DOCK7: variants seen among roughly 807,000 people sequenced by gnomAD.
DOCK7 encodes the protein dedicator of cytokinesis protein 7.
Under a neutral mutation model 271.0 loss-of-function variants are expected in DOCK7, and 138 were observed. The observed-to-expected ratio is 0.51, with a 90% CI of 0.44 to 0.59. The LOEUF (loss-of-function observed/expected upper bound fraction) is 0.59, where lower values mean the gene tolerates loss of function less well. Ranked by LOEUF, DOCK7 falls within the 20% of genes least tolerant of loss-of-function variation. The pLI, the probability that DOCK7 is intolerant of heterozygous loss-of-function variation, is 0.00. For missense variants in DOCK7, 2,066 were observed against 2,592.4 expected, an observed-to-expected ratio of 0.80 and a Z score of 4.41; for synonymous variants, 823 against 876.1, an observed-to-expected ratio of 0.94 and a Z score of 1.07.
At chr1:62,640,952 TTA>T (rs1557845536) in intron 7 of DOCK7, among the ~76,000 whole-genome samples, 29 of 152,306 alleles carry the variant, frequency 1.9e-4, no homozygotes, top group Non-Finnish European at 3.5e-4. Context: ...TAAAGTAACC[TTA>T]TAGAAAGGCA....
intron 12 of DOCK7, among the ~76,000 whole-genome samples, chr1:62,620,849 A>G (rs1653113970): frequency 6.9e-6 from 1 of 144,714 alleles, no homozygotes; most frequent in Non-Finnish European, 1.5e-5. Context: ...GCACCACTGC[A>G]CTCCAGCCTG....
chr1:62,608,851 A>G (rs970066502), intron 14 of DOCK7: 2 of 133,476 alleles, frequency 1.5e-5, no homozygotes, highest in Non-Finnish European at 3.3e-5. Flanking sequence ...ATGGAAGTCA[A>G]CTAACTCATT....
chr1:62,641,230 G>A (rs1349785209), intron 7 of DOCK7: 5 of 399,460 alleles, frequency 1.3e-5, no homozygotes, highest in African/African-American at 1.0e-4. Flanking sequence ...TCCAGTAGTG[G>A]ATCTTAGCTT....
chr1:62,613,122 T>C (rs1353360372), intron 14 of DOCK7, among the ~76,000 whole-genome samples: 1 of 152,188 alleles, frequency 6.6e-6, no homozygotes, highest in Non-Finnish European at 1.5e-5. Context: ...ATTTCAAATA[T>C]CCAATAAAAG....
chr1:62,651,572 A>G (rs1657386580), intron 4 of DOCK7, among the ~76,000 whole-genome samples: 3 of 151,004 alleles, frequency 2.0e-5, no homozygotes, highest in African/African-American at 7.3e-5. Flanking sequence ...TTCACTTTTC[A>G]GCCATATCCA....
chr1:62,617,440 A>G (rs1288913071), intron 14 of DOCK7, among the ~76,000 whole-genome samples: 4 of 152,028 alleles, frequency 2.6e-5, no homozygotes, highest in Non-Finnish European at 5.9e-5. Flanking sequence ...TGACTGAGAC[A>G]GGAGTAGAAA....
chr1:62,530,874 G>A (rs1645153740), intron 29 of DOCK7: 1 of 152,638 alleles, frequency 6.6e-6, no homozygotes. Flanking sequence ...GGTCAAATAA[G>A]ACACCTCCCC....
intron 48 of DOCK7, 134 bp downstream of exon 48, chr1:62,473,848 G>T: frequency 1.7e-6 from 1 of 577,628 alleles, no homozygotes; most frequent in Non-Finnish European, 3.0e-6. Flanking sequence ...GCCTCCCAAA[G>T]TGCTGAGATT....
chr1:62,686,157 C>CATTTTTTTTTTTTTTTTT lies in DOCK7; in HGVS notation c.38+2069_38+2070insAAAAAAAAAAAAAAAAAT. Among the ~76,000 whole-genome samples, 2 of 4,204 alleles carry CATTTTTTTTTTTTTTTTT rather than the reference C, an allele frequency of 4.8e-4. 1 individual carries two copies. The highest frequency in any genetic ancestry group is 5.0e-4 in the African/African-American group (2 of 3,980). 2.8% of individuals were successfully genotyped at this position (4,204 alleles called of 152,430 possible). Reference sequence around the variant, plus strand: ...ACTAGGAATACATGTCAAGTAATAACTTTTTTTTTTTTTTTTTTTTTTTTT... The same window carrying CATTTTTTTTTTTTTTTTT: ...ACTAGGAATACATGTCAAGTAATAACATTTTTTTTTTTTTTTTTTTTTTTTTTTTTTTTTTTTTTTTTT... On this transcript the variant is annotated intron_variant, in intron 1 of 49. Coordinates refer to ENST00000635253, the MANE Select transcript of DOCK7 (RefSeq NM_001367561.1).
intron 1 of DOCK7, among the ~76,000 whole-genome samples, chr1:62,670,474 G>A (rs1659849582): frequency 6.6e-6 from 1 of 152,138 alleles, no homozygotes; most frequent in Non-Finnish European, 1.5e-5. Context: ...GTATCTAGCT[G>A]CTCTGGTGAG....
At chr1:62,523,795 A>G (rs1270171431) in intron 31 of DOCK7, among the ~76,000 whole-genome samples, 1 of 152,184 alleles carries the variant, frequency 6.6e-6, no homozygotes, top group African/African-American at 2.4e-5. Flanking sequence ...TGAACCTGGG[A>G]GGCAGAGCTT....
chr1:62,564,855 G>A (rs188196057), intron 18 of DOCK7, among the ~76,000 whole-genome samples: 12 of 152,198 alleles, frequency 7.9e-5, no homozygotes, highest in Non-Finnish European at 1.5e-4. Flanking sequence ...AATAAAAAAC[G>A]ATAAAGGGGA....
chr1:62,632,808 C>T (rs1174038820), intron 10 of DOCK7, among the ~76,000 whole-genome samples: 2 of 152,096 alleles, frequency 1.3e-5, no homozygotes, highest in African/African-American at 4.8e-5. Flanking sequence ...AAAACCCCAT[C>T]TCTACTAAAA....
At chr1:62,602,411 C>T (rs201793428) in intron 14 of DOCK7, 27 of 1,573,504 alleles carry the variant, frequency 1.7e-5, no homozygotes, top group Admixed American at 3.3e-5. Context: ...CATTCATTCA[C>T]TTGCTAATCT....
chr1:62,536,107 T>TCTAA (rs5774607), intron 28 of DOCK7, among the ~76,000 whole-genome samples: 149,841 of 152,192 alleles, frequency 0.98, 73,809 homozygotes, highest in Middle Eastern at 1. Context: ...CATTTTGTTG[T>TCTAA]CTGAGTTTTT....
intron 18 of DOCK7, among the ~76,000 whole-genome samples, chr1:62,574,712 C>A (rs781239318): frequency 1.3e-5 from 2 of 152,080 alleles, no homozygotes; most frequent in African/African-American, 4.8e-5. Flanking sequence ...AAGATTGGCA[C>A]CACATAGAAA....
intron 37 of DOCK7, among the ~76,000 whole-genome samples, chr1:62,496,736 T>C (rs1049193070): frequency 5.3e-5 from 8 of 152,170 alleles, no homozygotes; most frequent in African/African-American, 1.7e-4. Flanking sequence ...AGGGTTGAAT[T>C]AGAAATTCTG....
chr1:62,665,588 C>T (rs769344400), intron 1 of DOCK7, among the ~76,000 whole-genome samples: 3 of 151,444 alleles, frequency 2.0e-5, no homozygotes, highest in African/African-American at 7.3e-5. Flanking sequence ...GGCTGTAGTC[C>T]CAGCTACTTG....
At chr1:62,507,651 T>C (rs2149327426) in intron 35 of DOCK7, among the ~76,000 whole-genome samples, 1 of 152,326 alleles carries the variant, frequency 6.6e-6, no homozygotes, top group South Asian at 2.1e-4. Context: ...GCTATAGCTA[T>C]ACATGCATGT....
Sources: allele counts gnomAD v4.1 joint callset (sites outside exome capture counted in the v4.1 genomes callset), GRCh38; gene constraint gnomAD v4.1.1; transcripts MANE v1.5; gene names NCBI Gene and HGNC (gene_info 2026-07-23, HGNC 2026-07-21).